BANP: variants seen among roughly 807,000 people sequenced by gnomAD.
The protein encoded by BANP is BTG3 associated nuclear protein.
Under a neutral mutation model 68.1 loss-of-function variants are expected in BANP, and 11 were observed. The observed-to-expected ratio is 0.16, with a 90% confidence interval of 0.10 to 0.27. The LOEUF is 0.27. BANP is among the 10% of genes least tolerant of loss of function. The pLI is 1.00. For missense variants in BANP, 504 were observed against 722.7 expected (o/e 0.70, Z 3.47); for synonymous variants, 329 against 303.2 (o/e 1.09, Z -0.88).
chr16:87,957,900 A>C lies in BANP; in HGVS notation c.-69+6385A>C, dbSNP rs2058410750. On this transcript the variant is annotated intron_variant, in intron 1 of 13. Coordinates refer to ENST00000682872, the MANE Select transcript of BANP (RefSeq NM_001386991.1). This position sits in a 1 kb window ranked among gnomAD's most constrained non-coding sequence, Gnocchi z 4.3. ...CAACCCCTGCCGCTACGTGTCCTCA[A>C]GTGAGCTCAGCTCTTGTGTCGGTGG... Among the ~76,000 whole-genome samples, 3 of 151,690 alleles carry C rather than the reference A, an allele frequency of 2.0e-5. No homozygotes were observed. The South Asian group carries it at 6.3e-4, about 32-fold the overall frequency.
intron 6 of BANP, among the ~76,000 whole-genome samples, chr16:88,009,486 C>A (rs896138281): frequency 6.6e-6 from 1 of 152,192 alleles, no homozygotes. Context: ...AATTTGGAGT[C>A]AGTTTATTGT....
At chr16:88,061,853 C>T (rs1031729728) in intron 11 of BANP, among the ~76,000 whole-genome samples, 4 of 151,980 alleles carry the variant, frequency 2.6e-5, no homozygotes, top group Non-Finnish European at 5.9e-5. Flanking sequence ...TTAATGGAGA[C>T]GGGATTTCTC....
At chr16:88,041,877 G>C (rs575508834) in intron 11 of BANP, among the ~76,000 whole-genome samples, 1 of 152,268 alleles carries the variant, frequency 6.6e-6, no homozygotes, top group Admixed American at 6.5e-5. Context: ...TTCAGGCCCT[G>C]TTGGGCACAC....
chr16:88,037,883 G>T (rs139447252), intron 10 of BANP, 90 bp from the exon 11 acceptor site: 45,433 of 1,285,316 alleles, frequency 0.035, 1,053 homozygotes, highest in Non-Finnish European at 0.046. Flanking sequence ...TTCTCAAGTG[G>T]CCTGTGATGT....
rs59786663 is a variant in BANP at position 87,976,474 on chromosome 16, G to GTTTT, written c.70+1301_70+1304dup. Among the ~76,000 whole-genome samples the GTTTT allele has an allele frequency of 7.8e-4, 75 of 95,958 alleles. 3 individuals carry two copies. Among genetic ancestry groups the GTTTT allele is most frequent in the African/African-American group, 3.3e-3 (73 of 22,024 alleles). The allele number at this position is 95,958 out of a possible 152,430, so 63.0% of individuals were successfully genotyped here. On this transcript the variant is annotated intron_variant, in intron 2 of 13. Coordinates refer to ENST00000682872, the MANE Select transcript of BANP (RefSeq NM_001386991.1). ...TTGTCCACACTTATTGTTTTAAAAA[G>GTTTT]TTTTTTTTTTTTTTTGGCCATAAAG...
intron 11 of BANP, among the ~76,000 whole-genome samples, chr16:88,042,340 T>C (rs1598782003): frequency 6.6e-6 from 1 of 152,202 alleles, no homozygotes; most frequent in African/African-American, 2.4e-5. Context: ...GGCTGCATGG[T>C]GCCAGCTTCC....
Position 88,004,145 on chromosome 16 carries a change from C to A in BANP, c.363-150C>A. 1.5e-6 allele frequency: 1 copy of A among 646,350 alleles called. No homozygotes were observed. The highest frequency in any genetic ancestry group is 2.8e-5 in the East Asian group (1 of 35,630). The allele number at this position is 646,350 out of a possible 1,614,324, so 40.0% of individuals were successfully genotyped here. A position where few individuals can be genotyped will look rare whatever the true frequency, so the allele number is the denominator to read the frequency against. On this transcript the variant is annotated intron_variant, in intron 4 of 13. Coordinates refer to ENST00000682872, the MANE Select transcript of BANP (RefSeq NM_001386991.1). This position sits in a 1 kb window ranked among gnomAD's most constrained non-coding sequence, Gnocchi z 7.0. ...GCTCCTTCCCCCTCAGGACGGGTCC[C>A]TGGGAGTGGACTATGTTGAATGACT...
intron 2 of BANP, among the ~76,000 whole-genome samples, chr16:87,975,508 A>G (rs1191791868): frequency 2.0e-5 from 3 of 151,530 alleles, no homozygotes; most frequent in Admixed American, 6.6e-5. Context: ...GATCTTTACC[A>G]TGTTGTATGT....
At chr16:88,042,293 G>A (rs1320805602) in intron 11 of BANP, among the ~76,000 whole-genome samples, 1 of 152,234 alleles carries the variant, frequency 6.6e-6, no homozygotes, top group Non-Finnish European at 1.5e-5. Flanking sequence ...ATGAGGTTCA[G>A]GGGACGGTGG....
rs983641470 is a variant in BANP, at chr16:88,018,368, G to C, written c.656-60G>C. The C allele has an allele frequency of 5.7e-6, 9 of 1,569,378 alleles. No individual in the cohort carries two copies. Among genetic ancestry groups the C allele is most frequent in the Non-Finnish European group, 6.9e-6 (8 of 1,156,528 alleles). Reference sequence around the variant, plus strand: ...CTGTGCCTGAGCAGAGCGCTCTGCTGTCCTGAATGTGAGCTTATTTGAGCC... The same window carrying C: ...CTGTGCCTGAGCAGAGCGCTCTGCTCTCCTGAATGTGAGCTTATTTGAGCC... On this transcript the variant is annotated intron_variant, in intron 6 of 13. Coordinates refer to ENST00000682872, the MANE Select transcript of BANP (RefSeq NM_001386991.1). This position sits in a 1 kb window ranked among gnomAD's most constrained non-coding sequence, Gnocchi z 7.7.
intron 6 of BANP, among the ~76,000 whole-genome samples, chr16:88,011,227 T>G (rs2073027056): frequency 6.6e-6 from 1 of 152,106 alleles, no homozygotes; most frequent in African/African-American, 2.4e-5. Context: ...TCGGGAGCAG[T>G]CTTGATCCAT....
chr16:87,981,018 C>G lies in BANP; in HGVS notation c.71-18C>G, dbSNP rs2063157143. On this transcript the variant is annotated intron_variant, in intron 2 of 13. Coordinates refer to ENST00000682872, the MANE Select transcript of BANP (RefSeq NM_001386991.1). ...ACTTTTCATGTTAAACATTTTTTTT[C>G]TCTGTCACTGATTTCAGTTGTTTTG... is the stretch of plus-strand genomic sequence containing the variant. The G allele has an allele frequency of 3.8e-6, 6 of 1,574,898 alleles. No homozygotes were observed. The East Asian group carries it at 1.3e-4, about 35-fold the overall frequency.
intron 2 of BANP, among the ~76,000 whole-genome samples, chr16:87,976,139 A>G (rs2062074397): frequency 6.6e-6 from 1 of 152,234 alleles, no homozygotes; most frequent in African/African-American, 2.4e-5. Context: ...CTTTATACAC[A>G]ACCCTATAGA....
intron 2 of BANP, among the ~76,000 whole-genome samples, 174 bp downstream of exon 2, chr16:87,975,359 T>C (rs2061823001): frequency 6.6e-6 from 1 of 152,212 alleles, no homozygotes; most frequent in Non-Finnish European, 1.5e-5. Context: ...CCCTCGCCCC[T>C]GCAGCCTCAG....
At chr16:87,973,768 A>AAAAAAAG (rs2061549079) in intron 1 of BANP, among the ~76,000 whole-genome samples, 20 of 104,952 alleles carry the variant, frequency 1.9e-4, no homozygotes, top group African/African-American at 4.0e-4. Flanking sequence ...AAAAAAAAAA[A>AAAAAAAG]AAAAAAGAAA....
At chr16:87,960,529 G>A (rs1302518996) in intron 1 of BANP, among the ~76,000 whole-genome samples, 1 of 152,164 alleles carries the variant, frequency 6.6e-6, no homozygotes, top group Non-Finnish European at 1.5e-5. Context: ...TACATATGTG[G>A]CAGAGATAGC....
At chr16:87,956,512 T>C (rs1323750891) in intron 1 of BANP, 3 of 152,234 alleles carry the variant, frequency 2.0e-5, no homozygotes, top group Non-Finnish European at 4.4e-5. Flanking sequence ...GAAAACAGTA[T>C]TGGGTGGAAT....
At chr16:88,072,809 GA>G (rs1379524881) in intron 13 of BANP, among the ~76,000 whole-genome samples, 1 of 152,226 alleles carries the variant, frequency 6.6e-6, no homozygotes, top group African/African-American at 2.4e-5. Context: ...ACTGGAGGCA[GA>G]AGGTGGCCCT....
intron 11 of BANP, among the ~76,000 whole-genome samples, chr16:88,055,810 T>C (rs1229629037): frequency 2.6e-5 from 4 of 152,166 alleles, no homozygotes; most frequent in Non-Finnish European, 5.9e-5. Context: ...CAAGAAAATA[T>C]ATTCCTGCAT....
Sources: allele counts gnomAD v4.1 joint callset (sites outside exome capture counted in the v4.1 genomes callset), GRCh38; gene constraint gnomAD v4.1.1; non-coding constraint Gnocchi (gnomAD v3.1); transcripts MANE v1.5; gene names NCBI Gene and HGNC (gene_info 2026-07-23, HGNC 2026-07-21).